Variants in LARS1 observed in about 807,000 individuals in gnomAD.
LARS1 encodes the protein leucine--tRNA ligase, cytoplasmic.
Under a neutral mutation model 162.8 loss-of-function variants are expected in LARS1, and 100 were observed. That is an observed-to-expected ratio of 0.61 (90% CI 0.52 to 0.73). The LOEUF is 0.73. Among genes scored for constraint, LARS1 ranks in the 30% least tolerant of loss-of-function variants. LARS1 has a pLI of 0.00. For missense variants in LARS1, 1,258 were observed against 1,408.9 expected, an observed-to-expected ratio of 0.89 and a Z score of 1.71; for synonymous variants, 457 against 462.8, an observed-to-expected ratio of 0.99 and a Z score of 0.16.
Position 146,172,727 on chromosome 5 carries a change from C to T in LARS1, c.173G>A (p.Arg58His), listed in dbSNP as rs148510496. ...AGAAAACGTGTGTCCCAAATGAAGG[C>T]GTCCATTCATATATGGATATGGGAA... Reference protein sequence around the residue: ...VTFPYPYMNGRLHLGHTFSLS... With the variant: ...VTFPYPYMNGHLHLGHTFSLS... Residue 58 changes from arginine to histidine, a missense_variant, in exon 3 of 32, where the codon CGC (arginine) becomes CAC (histidine). Coordinates refer to ENST00000394434, the MANE Select transcript of LARS1 (RefSeq NM_020117.11). 6.3e-7 allele frequency: 1 copy of T among 1,583,998 alleles called. No individual in the cohort carries two copies. Among genetic ancestry groups the T allele is most frequent in the Non-Finnish European group, 8.6e-7 (1 of 1,166,550 alleles).
At chr5:146,168,714 A>C (rs1754129821) in intron 4 of LARS1, among the ~76,000 whole-genome samples, 1 of 152,144 alleles carries the variant, frequency 6.6e-6, no homozygotes, top group Non-Finnish European at 1.5e-5. Context: ...TTAAATTAAA[A>C]AAAGGTATAA....
At chr5:146,137,703 T>TAG (rs1752574858) in intron 21 of LARS1, 1 of 200,576 alleles carries the variant, frequency 5.0e-6, no homozygotes, top group Non-Finnish European at 1.0e-5. Flanking sequence ...GCTCTTCCCA[T>TAG]CATCTTGGAT....
rs758426753 is a variant in LARS1, at chr5:146,130,026, G to A, written c.2620C>T (p.Leu874=). 5 of 1,608,216 alleles carry A rather than the reference G, an allele frequency of 3.1e-6. No homozygotes were observed. The highest frequency in any genetic ancestry group is 3.4e-6 in the Non-Finnish European group (4 of 1,178,544). Residue 874 remains leucine (L), a synonymous_variant, in exon 25 of 32, where the codon CTG becomes TTG. Transcript: ENST00000394434. The part of the protein sequence containing the change: ...PHLCEHIWTL[L]GKPDSIMNAS... ...TAAATGCATGAAGGTACCTTTCCCA[G>A]GAGTGTCCAGATGTGCTCACACAAA...
intron 2 of LARS1, among the ~76,000 whole-genome samples, chr5:146,173,803 T>C (rs915429979): frequency 6.6e-6 from 1 of 152,122 alleles, no homozygotes; most frequent in African/African-American, 2.4e-5. Context: ...AATTTGCTTT[T>C]ACCGTTCCCT....
chr5:146,177,816 T>C (rs1754665858), intron 1 of LARS1, 151 bp from the exon 2 acceptor site: 4 of 442,950 alleles, frequency 9.0e-6, no homozygotes, highest in African/African-American at 2.1e-5. Context: ...ATTAGGGTTA[T>C]CAGCCAGGCG....
chr5:146,153,672 C>G, intron 12 of LARS1, 62 bp downstream of exon 12: 1 of 1,316,818 alleles, frequency 7.6e-7, no homozygotes, highest in Admixed American at 1.7e-5. Flanking sequence ...CAGCGTAGTT[C>G]AGCAGCACCT....
intron 23 of LARS1, chr5:146,131,565 C>T (rs1353214632): frequency 6.8e-6 from 1 of 146,768 alleles, no homozygotes; most frequent in Non-Finnish European, 1.5e-5. Flanking sequence ...GATCACAACT[C>T]ACTGCAGCCT....
chr5:146,119,655 A>G (rs968885429), intron 31 of LARS1, among the ~76,000 whole-genome samples: 4 of 152,204 alleles, frequency 2.6e-5, no homozygotes, highest in African/African-American at 9.6e-5. Context: ...CTGGATGACG[A>G]AAAGAAAAGC....
Position 146,153,744 on chromosome 5 carries a change from T to C in LARS1, c.1220A>G (p.Lys407Arg), listed in dbSNP as rs1293207906. ...PDDIAALRDLKKKQALRAKYG... is the reference protein window; with the variant it reads ...PDDIAALRDLRKKQALRAKYG... ...AACTCAGATACTTACTTGCTTTTTC[T>C]TCAAGTCTCTGAGGGCAGCAATATC... is the stretch of plus-strand genomic sequence containing the variant. Residue 407 changes from lysine (K) to arginine (R), a missense_variant, in exon 12 of 32, where the codon AAG (lysine) becomes AGG (arginine). Physicochemically the swap from Lys to Arg is conservative, Grantham distance 26. Coordinates refer to ENST00000394434, the MANE Select transcript of LARS1 (RefSeq NM_020117.11). 3 of 1,613,590 alleles carry C rather than the reference T, an allele frequency of 1.9e-6. No homozygotes were observed. The highest frequency in any genetic ancestry group is 1.7e-5 in the Admixed American group (1 of 60,026).
chr5:146,164,690 G>A (rs956646266), intron 5 of LARS1, among the ~76,000 whole-genome samples: 3 of 152,010 alleles, frequency 2.0e-5, no homozygotes, highest in African/African-American at 4.8e-5. Flanking sequence ...CAAGATATCC[G>A]CCAAGACACT....
intron 31 of LARS1, among the ~76,000 whole-genome samples, chr5:146,118,576 T>G (rs1478377827): frequency 6.6e-6 from 1 of 152,246 alleles, no homozygotes; most frequent in East Asian, 1.9e-4. Context: ...TTAATTATCC[T>G]AATTTGATAA....
intron 10 of LARS1, 52 bp from the exon 11 acceptor site, chr5:146,154,032 T>C (rs752890061): frequency 2.7e-5 from 34 of 1,264,162 alleles, no homozygotes; most frequent in Non-Finnish European, 3.5e-5. Context: ...TTGTGACCAT[T>C]AGAATTAAAA....
chr5:146,169,118 A>G (rs1391061048), intron 4 of LARS1, among the ~76,000 whole-genome samples: 1 of 152,170 alleles, frequency 6.6e-6, no homozygotes. Context: ...AAAGAAAGAA[A>G]GAAAGAAAGA....
intron 1 of LARS1, 194 bp downstream of exon 1, chr5:146,182,294 C>T: frequency 1.4e-6 from 1 of 693,398 alleles, no homozygotes; most frequent in South Asian, 1.7e-5. Context: ...TATCCAAGTA[C>T]TCCGTAAAGT....
chr5:146,125,220 C>A (rs1751995259), intron 28 of LARS1, among the ~76,000 whole-genome samples: 1 of 151,998 alleles, frequency 6.6e-6, no homozygotes, highest in Non-Finnish European at 1.5e-5. Flanking sequence ...TATGAACATA[C>A]CAGCACTTAC....
At chr5:146,171,017 T>A (rs979471016) in intron 4 of LARS1, among the ~76,000 whole-genome samples, 1 of 152,096 alleles carries the variant, frequency 6.6e-6, no homozygotes, top group Non-Finnish European at 1.5e-5. Context: ...GTGTTCATTG[T>A]ACTACCATTC....
chr5:146,171,215 G>A (rs1754260923), intron 4 of LARS1, among the ~76,000 whole-genome samples: 1 of 152,026 alleles, frequency 6.6e-6, no homozygotes, highest in African/African-American at 2.4e-5. Context: ...AAATTAGCCA[G>A]GTGTGGTGGC....
intron 20 of LARS1, among the ~76,000 whole-genome samples, chr5:146,141,723 G>A (rs1249800229): frequency 3.9e-5 from 6 of 152,130 alleles, no homozygotes; most frequent in South Asian, 4.1e-4. Context: ...GTGAGTCTGC[G>A]AAGTTGAGAC....
Position 146,153,199 on chromosome 5 carries a change from T to C in LARS1, c.1259A>G (p.Asp420Gly), listed in dbSNP as rs1382518787. Residue 420 changes from aspartate (D) to glycine (G), a missense_variant, in exon 13 of 32, where the codon GAT (aspartate) becomes GGT (glycine). Physicochemically the swap from Asp to Gly is moderately conservative, Grantham distance 94 (BLOSUM62 -1). Coordinates refer to ENST00000394434, the MANE Select transcript of LARS1 (RefSeq NM_020117.11). ...QALRAKYGIR[D>G]DMVLPFEPVP... The stretch of plus-strand genomic sequence containing the variant: ...CGGCTCAAATGGCAAGACCATGTCA[T>C]CTCTAATTCCATATTTTGCTCGTAA... The C allele has an allele frequency of 1.9e-6, 3 of 1,613,314 alleles. No individual in the cohort carries two copies. Among genetic ancestry groups the C allele is most frequent in the Middle Eastern group, 1.7e-4 (1 of 6,054 alleles).
Sources: gnomAD v4.1 joint callset for allele counts (sites outside exome capture counted in the v4.1 genomes callset) on GRCh38, gnomAD v4.1.1 for gene constraint, MANE v1.5 for transcripts, NCBI Gene and HGNC (gene_info 2026-07-23, HGNC 2026-07-21) for gene names.